CUX1: variants seen among roughly 807,000 people sequenced by gnomAD.
CUX1 encodes cut like homeobox 1, also known as protein CASP.
A neutral mutation model predicts 158.8 loss-of-function variants in CUX1; 31 were observed. The observed-to-expected ratio is 0.20, with a 90% confidence interval of 0.15 to 0.26. The LOEUF is 0.26. Ranked by LOEUF, CUX1 falls within the 10% of genes least tolerant of loss-of-function variation. CUX1 has a pLI of 1.00. For missense variants in CUX1, 1,589 were observed against 2,014.6 expected (o/e 0.79, Z 4.04); for synonymous variants, 879 against 862.1 (o/e 1.02, Z -0.34).
chr7:101,852,123 C>G (rs1177833206), intron 1 of CUX1, among the ~76,000 whole-genome samples: 1 of 152,014 alleles, frequency 6.6e-6, no homozygotes, highest in Non-Finnish European at 1.5e-5. Context: ...AGCCACCGCA[C>G]CCAGCCTTAC....
intron 1 of CUX1, among the ~76,000 whole-genome samples, chr7:101,837,079 C>T (rs991217086): frequency 1.2e-4 from 19 of 152,170 alleles, no homozygotes; most frequent in African/African-American, 4.1e-4. Context: ...AAATCCAGGT[C>T]GTAGCAACTT....
chr7:101,821,272 A>G (rs1792452768), intron 1 of CUX1, among the ~76,000 whole-genome samples: 2 of 151,094 alleles, frequency 1.3e-5, no homozygotes, highest in South Asian at 4.2e-4. Flanking sequence ...AAAAAATTCT[A>G]CATTTAGAGA....
intron 3 of CUX1, among the ~76,000 whole-genome samples, chr7:102,039,127 G>A (rs759648004): frequency 5.3e-5 from 8 of 152,132 alleles, no homozygotes; most frequent in Non-Finnish European, 7.3e-5. Flanking sequence ...TGAAAGTTAC[G>A]AGCTCTGTAT....
At chr7:102,212,597 T>C (rs1796657730) in intron 20 of CUX1, among the ~76,000 whole-genome samples, 1 of 152,138 alleles carries the variant, frequency 6.6e-6, no homozygotes, top group Admixed American at 6.6e-5. Flanking sequence ...CATTCAAACT[T>C]ACAGTCTTTT....
chr7:102,048,513 T>G (rs1446884192), intron 3 of CUX1, among the ~76,000 whole-genome samples: 1 of 152,096 alleles, frequency 6.6e-6, no homozygotes, highest in East Asian at 1.9e-4. Flanking sequence ...TAAGGGCACA[T>G]GACCACTATT....
At chr7:101,919,374 C>A (rs1698504340) in intron 2 of CUX1, among the ~76,000 whole-genome samples, 1 of 152,208 alleles carries the variant, frequency 6.6e-6, no homozygotes, top group Non-Finnish European at 1.5e-5. Context: ...TCTGGCCACA[C>A]CGCAGGATTG....
intron 2 of CUX1, among the ~76,000 whole-genome samples, chr7:101,984,438 A>G (rs1814002870): frequency 6.6e-6 from 1 of 151,174 alleles, no homozygotes; most frequent in Admixed American, 6.6e-5. Flanking sequence ...AGGACGGTGT[A>G]AATATTCTCT....
Position 102,212,763 on chromosome 7 carries a change from CA to C in CUX1, c.3130+7598del, listed in dbSNP as rs1162697757. ...ACGCAGATGGGGGGCGTGCAGGCCT[CA>C]AAAAGGCCGTGTGCCTTGCTTTTCT... On this transcript the variant is annotated intron_variant, in intron 20 of 23. Coordinates refer to ENST00000292535, the MANE Select transcript of CUX1 (RefSeq NM_181552.4). 3.9e-5 allele frequency among the ~76,000 whole-genome samples: 6 copies of C among 151,906 alleles called. No homozygotes were observed. In the East Asian group the frequency reaches 1.2e-3, roughly 29 times the overall value.
At chr7:102,097,604 A>G in intron 5 of CUX1, 103 bp downstream of exon 5, 1 of 1,199,210 alleles carries the variant, frequency 8.3e-7, no homozygotes, top group Non-Finnish European at 1.2e-6. Flanking sequence ...CTCTCCTTGT[A>G]ATATACACGT....
At chr7:101,936,012 G>A (rs942694690) in intron 2 of CUX1, among the ~76,000 whole-genome samples, 2 of 152,158 alleles carry the variant, frequency 1.3e-5, no homozygotes, top group African/African-American at 2.4e-5. Flanking sequence ...ATTCAACAAC[G>A]ATCTGTTGTG....
Position 102,127,412 on chromosome 7 carries a change from C to T in CUX1, c.674+12139C>T, listed in dbSNP as rs574042710. Among the ~76,000 whole-genome samples the T allele has an allele frequency of 1.2e-4, 18 of 152,134 alleles. No homozygotes were observed. In the South Asian group the frequency reaches 3.5e-3, roughly 30 times the overall value. ...TAGAGACAGGGTCTTGCCGTGTTGC[C>T]CAGGCTGGTTTTGAACTCCTGGGCT... is the stretch of plus-strand genomic sequence containing the variant. On this transcript the variant is annotated intron_variant, in intron 8 of 23. Coordinates refer to ENST00000292535, the MANE Select transcript of CUX1 (RefSeq NM_181552.4).
intron 2 of CUX1, among the ~76,000 whole-genome samples, chr7:101,921,465 T>C (rs1052430614): frequency 2.6e-5 from 4 of 151,958 alleles, no homozygotes; most frequent in East Asian, 1.9e-4. Context: ...TATTTATTTA[T>C]TTACTTATTT....
chr7:102,065,899 TCC>T (rs1825497481), intron 3 of CUX1, among the ~76,000 whole-genome samples: 2 of 4,568 alleles, frequency 4.4e-4, no homozygotes, highest in Admixed American at 2.6e-3. Flanking sequence ...CAAGCAATTC[TCC>T]TGTCTCAGCC....
In CUX1 at chr7:102,185,225, G is replaced by A. The variant is rs1456208564; in HGVS notation, c.1018-4588G>A. Among the ~76,000 whole-genome samples, 4 of 152,192 alleles carry A rather than the reference G, an allele frequency of 2.6e-5. No individual in the cohort carries two copies. The East Asian group carries it at 5.8e-4, about 22-fold the overall frequency. ...GGGATGTAGTAATTGTAGTAACAAG[G>A]ACAGTAACAGTGCTAACCACCATTT... On this transcript the variant is annotated intron_variant, in intron 11 of 23. Transcript: ENST00000292535.
At chr7:101,977,160 G>A (rs374550008) in intron 2 of CUX1, among the ~76,000 whole-genome samples, 2 of 151,726 alleles carry the variant, frequency 1.3e-5, no homozygotes, top group South Asian at 2.1e-4. Flanking sequence ...TGATCCTCCC[G>A]CCTCGGCCTC....
In CUX1 at chr7:102,164,936, C is replaced by T. The variant is rs557578813; in HGVS notation, c.724-5510C>T. On this transcript the variant is annotated intron_variant, in intron 9 of 23. Transcript: ENST00000292535. ...AGATTGGATCAGAGAAAACCCCCCT[C>T]CCCCGCCATATAAAACCAGGGACTT... Among the ~76,000 whole-genome samples, 15 of 152,200 alleles carry T rather than the reference C, an allele frequency of 9.9e-5. No individual in the cohort carries two copies. The South Asian group carries it at 1.7e-3, about 17-fold the overall frequency.
intron 10 of CUX1, among the ~76,000 whole-genome samples, chr7:102,172,945 C>T (rs1554510809): frequency 6.6e-6 from 1 of 151,850 alleles, no homozygotes; most frequent in Non-Finnish European, 1.5e-5. Flanking sequence ...CCTGTAGTCC[C>T]AGCTACTCAG....
In CUX1 at chr7:102,171,269, G is replaced by A. The variant is rs1187753906; in HGVS notation, c.828+719G>A. 2.0e-5 allele frequency among the ~76,000 whole-genome samples: 3 copies of A among 152,112 alleles called. No individual in the cohort carries two copies. In the East Asian group the frequency reaches 5.8e-4, roughly 29 times the overall value. ...GCAGTCTGGTGATGGGGACAAAGGA[G>A]CTTAACGTCCCTGAGTCTCCGTTTC... On this transcript the variant is annotated intron_variant, in intron 10 of 23. Transcript: ENST00000292535.
chr7:102,027,415 G>A (rs1820171644), intron 2 of CUX1, among the ~76,000 whole-genome samples: 5 of 151,752 alleles, frequency 3.3e-5, no homozygotes, highest in Admixed American at 3.3e-4. Context: ...CAGTGGCCCA[G>A]GTCCATTTCA....
Sources: allele counts gnomAD v4.1 joint callset (sites outside exome capture counted in the v4.1 genomes callset), GRCh38; gene constraint gnomAD v4.1.1; transcripts MANE v1.5; gene names NCBI Gene and HGNC (gene_info 2026-07-23, HGNC 2026-07-21).